ZBTB49: variants seen among roughly 807,000 people sequenced by gnomAD.
ZBTB49 encodes zinc finger and BTB domain containing 49.
ZBTB49 carries 43 observed loss-of-function variants against 57.5 expected under a neutral mutation model. That is an observed-to-expected ratio of 0.75 (90% confidence interval 0.59 to 0.97). The LOEUF (loss-of-function observed/expected upper bound fraction) is 0.97, where lower values mean the gene tolerates loss of function less well. ZBTB49 is among the 50% of genes least tolerant of loss of function. ZBTB49 has a pLI of 0.00. For missense variants in ZBTB49, 938 were observed against 947.7 expected (o/e 0.99, Z 0.13); for synonymous variants, 369 against 362.1 (o/e 1.02, Z -0.22).
rs377326067 is a variant in ZBTB49, at chr4:4,303,770, G to GTGTGTGTC, written c.1255+680_1255+681insGTGTGTCT. Among the ~76,000 whole-genome samples the GTGTGTGTC allele has an allele frequency of 6.2e-3, 157 of 25,320 alleles. 2 individuals are homozygous for GTGTGTGTC. The highest frequency in any genetic ancestry group is 0.015 in the African/African-American group (151 of 9,888). 16.6% of individuals were successfully genotyped at this position (25,320 alleles called of 152,430 possible). On this transcript the variant is annotated intron_variant, in intron 3 of 7. Transcript: ENST00000337872. ...TCTCTCTCTCTCTCTCTGTGTGTGT[G>GTGTGTGTC]TCTCTCTCTCTCTCTATATATATAT...
chr4:4,315,129 T>G (rs1307130571), intron 5 of ZBTB49, among the ~76,000 whole-genome samples: 1 of 152,214 alleles, frequency 6.6e-6, no homozygotes, highest in East Asian at 1.9e-4. Flanking sequence ...CATTTTACTT[T>G]ATAGTGAAAA....
intron 2 of ZBTB49, among the ~76,000 whole-genome samples, 199 bp from the exon 3 acceptor site, chr4:4,301,790 A>G (rs1720483329): frequency 6.6e-6 from 1 of 150,732 alleles, no homozygotes; most frequent in African/African-American, 2.4e-5. Flanking sequence ...TGCATACCCA[A>G]TCCACCAATT....
At position 4,315,897 on chromosome 4, in the gene ZBTB49, T is replaced by C; in HGVS notation, c.1548T>C (p.Phe516=). The C allele has an allele frequency of 1.2e-6, 2 of 1,614,200 alleles. No homozygotes were observed. Among genetic ancestry groups the C allele is most frequent in the Non-Finnish European group, 1.7e-6 (2 of 1,180,036 alleles). The change falls in exon 7 of 8, where the codon TTT becomes TTC. Residue 516 remains phenylalanine, a synonymous_variant. Transcript: ENST00000337872. ...VFTCDECGKS[F]NMQRKLVKHR... ...CCTGTGATGAGTGTGGAAAGTCTTT[T>C]AATATGCAAAGGAAGTTAGTAAAGC...
At chr4:4,301,158 G>A (rs375517141) in intron 2 of ZBTB49, among the ~76,000 whole-genome samples, 6 of 152,154 alleles carry the variant, frequency 3.9e-5, no homozygotes, top group Admixed American at 6.6e-5. Flanking sequence ...GCTGTTTTGC[G>A]CTTAAAAACA....
At chr4:4,300,342 T>A (rs1219092543) in intron 2 of ZBTB49, among the ~76,000 whole-genome samples, 1 of 152,158 alleles carries the variant, frequency 6.6e-6, no homozygotes, top group African/African-American at 2.4e-5. Flanking sequence ...TGATTGAAAG[T>A]ATTTTGGTTG....
chr4:4,302,441 G>T lies in ZBTB49; in HGVS notation c.605G>T (p.Cys202Phe). ...KQAPDTSDGS[C>F]TELPFKQPNY... ...GCTCCTGATACTTCAGATGGCAGCT[G>T]CACAGAACTGCCTTTCAAACAGCCA... The change falls in exon 3 of 8, where the codon TGC (cysteine) becomes TTC (phenylalanine). Residue 202 changes from cysteine to phenylalanine, a missense_variant. Transcript: ENST00000337872. The T allele has an allele frequency of 6.2e-7, 1 of 1,614,228 alleles. No individual in the cohort carries two copies. The highest frequency in any genetic ancestry group is 2.2e-5 in the East Asian group (1 of 44,892).
At chr4:4,295,558 CT>C (rs1304413811) in intron 1 of ZBTB49, among the ~76,000 whole-genome samples, 2 of 152,202 alleles carry the variant, frequency 1.3e-5, no homozygotes, top group Non-Finnish European at 2.9e-5. Context: ...ACTTAGAAGC[CT>C]TTTCAGGCAA....
At chr4:4,309,924 G>A (rs1395791361) in intron 4 of ZBTB49, among the ~76,000 whole-genome samples, 2 of 151,814 alleles carry the variant, frequency 1.3e-5, no homozygotes, top group East Asian at 1.9e-4. Flanking sequence ...TAATTTTATC[G>A]CTGTGTGAAA....
At chr4:4,291,221 G>GT (rs1220577117) in intron 1 of ZBTB49, among the ~76,000 whole-genome samples, 1 of 152,210 alleles carries the variant, frequency 6.6e-6, no homozygotes, top group Non-Finnish European at 1.5e-5. Context: ...TCACAGTTCT[G>GT]GAGGTTAGAA....
intron 5 of ZBTB49, among the ~76,000 whole-genome samples, chr4:4,314,559 A>G (rs939904515): frequency 2.0e-5 from 3 of 151,966 alleles, no homozygotes; most frequent in African/African-American, 7.3e-5. Context: ...TTTAGTAGAG[A>G]CGGGGTTTCG....
rs896971294 is a variant in ZBTB49 at position 4,294,142 on chromosome 4, T to C, written c.-20+3790T>C. On this transcript the variant is annotated intron_variant, in intron 1 of 7. Transcript: ENST00000337872. ...AAGTATTTGTCATAATCATTACTAT[T>C]ATTAGGTATAAGATACATTTTTGTT... Among the ~76,000 whole-genome samples the C allele has an allele frequency of 5.3e-5, 8 of 152,324 alleles. No individual in the cohort carries two copies. In the South Asian group the frequency reaches 1.2e-3, roughly 24 times the overall value.
intron 4 of ZBTB49, among the ~76,000 whole-genome samples, chr4:4,312,035 C>A (rs1426384637): frequency 6.6e-6 from 1 of 152,084 alleles, no homozygotes; most frequent in African/African-American, 2.4e-5. Flanking sequence ...ATTTAAAATG[C>A]AATTTGCAAA....
At position 4,318,916 on chromosome 4, in the gene ZBTB49, AT is replaced by A. The variant is rs1721298284; in HGVS notation, c.1622-1723del. ...AATCTTTTTTTTTTTTTTTTTTGAG[AT>A]GGGTTCTTTGTTGCTCATGCTGCAG... On this transcript the variant is annotated intron_variant, in intron 7 of 7. Transcript: ENST00000337872. Among the ~76,000 whole-genome samples the A allele has an allele frequency of 5.3e-5, 5 of 93,818 alleles. No homozygotes were observed. The Admixed American group carries it at 6.3e-4, about 12-fold the overall frequency. 61.5% of individuals were successfully genotyped at this position (93,818 alleles called of 152,430 possible).
chr4:4,316,135 C>T (rs544009571), intron 7 of ZBTB49, among the ~76,000 whole-genome samples, 165 bp downstream of exon 7: 54 of 152,214 alleles, frequency 3.5e-4, no homozygotes, highest in Admixed American at 7.2e-4. Flanking sequence ...GTGTGTCAGG[C>T]ATTTGCTGCT....
chr4:4,319,494 A>C (rs1177400996), intron 7 of ZBTB49, among the ~76,000 whole-genome samples: 1 of 152,192 alleles, frequency 6.6e-6, no homozygotes, highest in Non-Finnish European at 1.5e-5. Flanking sequence ...AAGAAAATAG[A>C]ACCTGGACAG....
At chr4:4,292,388 G>A (rs949019902) in intron 1 of ZBTB49, among the ~76,000 whole-genome samples, 9 of 152,188 alleles carry the variant, frequency 5.9e-5, no homozygotes, top group Non-Finnish European at 1.3e-4. Flanking sequence ...GTTTGCCATC[G>A]TACCTTCAGT....
chr4:4,301,741 G>A (rs1345978988), intron 2 of ZBTB49, among the ~76,000 whole-genome samples: 1 of 152,012 alleles, frequency 6.6e-6, no homozygotes, highest in Non-Finnish European at 1.5e-5. Context: ...GTAAATTTGA[G>A]TATATTTCAA....
chr4:4,305,740 G>T (rs941813644), intron 3 of ZBTB49, among the ~76,000 whole-genome samples: 2 of 152,198 alleles, frequency 1.3e-5, no homozygotes, highest in Admixed American at 1.3e-4. Flanking sequence ...TGTGTGGTGT[G>T]AACCAGTGAC....
intron 7 of ZBTB49, among the ~76,000 whole-genome samples, chr4:4,317,747 T>A (rs1337366963): frequency 6.6e-6 from 1 of 152,136 alleles, no homozygotes; most frequent in Admixed American, 6.5e-5. Context: ...GCTCGCAGGC[T>A]CGTGTGCTCT....
Sources: allele counts gnomAD v4.1 joint callset (sites outside exome capture counted in the v4.1 genomes callset), GRCh38; gene constraint gnomAD v4.1.1; transcripts MANE v1.5; gene names NCBI Gene and HGNC (gene_info 2026-07-23, HGNC 2026-07-21).